Variants in SLC36A1 observed in about 807,000 individuals in gnomAD.
The protein encoded by SLC36A1 is proton-coupled amino acid transporter 1.
Under a neutral mutation model 47.5 loss-of-function variants are expected in SLC36A1, and 30 were observed. That is an observed-to-expected ratio of 0.63 (90% confidence interval 0.47 to 0.86). SLC36A1 has a LOEUF of 0.86. Among genes scored for constraint, SLC36A1 ranks in the 40% least tolerant of loss-of-function variants. SLC36A1 has a pLI of 0.00. For missense variants in SLC36A1, 517 were observed against 606.0 expected (o/e 0.85, Z 1.54); for synonymous variants, 255 against 249.7 (o/e 1.02, Z -0.20).
At chr5:151,507,752 A>C in the SLC36A1 span, 1 of 700,124 alleles carries the variant, frequency 1.4e-6, no homozygotes, top group African/African-American at 1.8e-5. Context: ...AGTAACTATC[A>C]AGCATATCAA....
At chr5:151,468,445 T>TAC (rs1271139962) in intron 7 of SLC36A1, among the ~76,000 whole-genome samples, 8 of 146,988 alleles carry the variant, frequency 5.4e-5, no homozygotes, top group Admixed American at 4.8e-4. Context: ...TGTATATATA[T>TAC]ACATAATATA....
At chr5:151,387,165 C>G in the SLC36A1 span, 431 of 152,612 alleles carry the variant, frequency 2.8e-3, 1 homozygote, top group Non-Finnish European at 5.1e-3. Flanking sequence ...TTGGCAGAGA[C>G]ATAGAACTGC....
the SLC36A1 span, chr5:151,378,163 A>G: frequency 1.0e-5 from 3 of 296,206 alleles, no homozygotes; most frequent in South Asian, 4.5e-5. Context: ...GAGCAGGACA[A>G]TCATTCACTT....
the SLC36A1 span, chr5:151,505,212 C>A: frequency 2.7e-6 from 1 of 370,486 alleles, no homozygotes; most frequent in Non-Finnish European, 5.0e-6. Flanking sequence ...TGAAGTTGAG[C>A]CAGCACAGTC....
chr5:151,507,097 A>G, the SLC36A1 span: 1 of 1,461,680 alleles, frequency 6.8e-7, no homozygotes, highest in Admixed American at 2.2e-5. Flanking sequence ...CGGAGTGTTT[A>G]GAACCACCAC....
At chr5:151,464,988 C>T (rs181956064) in intron 4 of SLC36A1, 86 bp from the exon 5 acceptor site, 56 of 1,059,566 alleles carry the variant, frequency 5.3e-5, no homozygotes, top group South Asian at 1.5e-4. Context: ...GGGAACTGGC[C>T]CAGGTCTCAG....
At chr5:151,380,254 G>C in the SLC36A1 span, 1 of 230,048 alleles carries the variant, frequency 4.3e-6, no homozygotes, top group Non-Finnish European at 8.8e-6. Flanking sequence ...GGAGGCTGCG[G>C]CGGGCGGATC....
At chr5:151,381,518 G>A in the SLC36A1 span, among the ~76,000 whole-genome samples, 1 of 152,164 alleles carries the variant, frequency 6.6e-6, no homozygotes, top group Non-Finnish European at 1.5e-5. Context: ...CTTCTTATCT[G>A]GGGACTAGAC....
chr5:151,430,959 C>T, the SLC36A1 span, among the ~76,000 whole-genome samples: 1 of 152,196 alleles, frequency 6.6e-6, no homozygotes, highest in African/African-American at 2.4e-5. Context: ...GTGTACATAT[C>T]TTCCTCCCTA....
the SLC36A1 span, among the ~76,000 whole-genome samples, chr5:151,546,773 T>C: frequency 6.6e-6 from 1 of 152,034 alleles, no homozygotes; most frequent in Non-Finnish European, 1.5e-5. Flanking sequence ...GGCTGGAATG[T>C]AGTGATGTGA....
chr5:151,520,159 C>T, the SLC36A1 span, among the ~76,000 whole-genome samples: 3 of 152,198 alleles, frequency 2.0e-5, no homozygotes, highest in East Asian at 1.9e-4. Context: ...AATGATATCC[C>T]GAATGCCAGG....
At chr5:151,505,339 CT>C in the SLC36A1 span, 1 of 592,090 alleles carries the variant, frequency 1.7e-6, no homozygotes, top group Non-Finnish European at 2.9e-6. Context: ...AGAAATGCCC[CT>C]CTCCTGGGAC....
the SLC36A1 span, chr5:151,545,663 G>A: frequency 2.5e-6 from 4 of 1,614,148 alleles, no homozygotes; most frequent in South Asian, 4.4e-5. Flanking sequence ...ACAATGGTTA[G>A]GGTTCCCATG....
the SLC36A1 span, among the ~76,000 whole-genome samples, chr5:151,517,068 A>G: frequency 6.6e-6 from 1 of 151,628 alleles, no homozygotes; most frequent in Non-Finnish European, 1.5e-5. Flanking sequence ...AAATCACACC[A>G]CTGCACTCCA....
chr5:151,458,304 G>GTGTGTGTATATATATATA lies in SLC36A1; in HGVS notation c.-5-483_-5-482insGTGTGTATATATATATAT, dbSNP rs1175105944. Among the ~76,000 whole-genome samples, 30 of 76,590 alleles carry GTGTGTGTATATATATATA rather than the reference G, an allele frequency of 3.9e-4. 1 individual carries two copies. Among genetic ancestry groups the GTGTGTGTATATATATATA allele is most frequent in the African/African-American group, 1.9e-3 (26 of 13,754 alleles). 50.2% of individuals were successfully genotyped at this position (76,590 alleles called of 152,430 possible). ...TACGTGTATATATATACATACACGT[G>GTGTGTGTATATATATATA]TATATACGTATATATATATATATAT... On this transcript the variant is annotated intron_variant, in intron 1 of 10. Transcript: ENST00000243389.
the SLC36A1 span, chr5:151,425,452 C>G: frequency 1.3e-5 from 2 of 152,346 alleles, no homozygotes; most frequent in African/African-American, 4.8e-5. Context: ...TGACCTTGGC[C>G]CCAGAGCCAA....
the SLC36A1 span, chr5:151,534,404 C>A: frequency 1.2e-6 from 2 of 1,600,282 alleles, no homozygotes; most frequent in Non-Finnish European, 1.7e-6. Context: ...CCTTCTCAGA[C>A]TCACCTTGGT....
the SLC36A1 span, among the ~76,000 whole-genome samples, chr5:151,366,884 C>G: frequency 6.6e-6 from 1 of 152,122 alleles, no homozygotes; most frequent in Non-Finnish European, 1.5e-5. Flanking sequence ...ATCGGTAAGA[C>G]CGTGATGCCC....
At chr5:151,544,806 A>G in the SLC36A1 span, 1 of 1,614,192 alleles carries the variant, frequency 6.2e-7, no homozygotes. Context: ...CTGCAAATTC[A>G]TATGTAACAG....
Sources: allele counts gnomAD v4.1 joint callset (sites outside exome capture counted in the v4.1 genomes callset), GRCh38; gene constraint gnomAD v4.1.1; transcripts MANE v1.5; gene names NCBI Gene and HGNC (gene_info 2026-07-23, HGNC 2026-07-21).